C10orf90: variants seen among roughly 807,000 people sequenced by gnomAD.
C10orf90 encodes the protein (E2-independent) E3 ubiquitin-conjugating enzyme FATS.
In C10orf90, 56 loss-of-function variants were observed where a neutral mutation model predicts 62.5. That is an observed-to-expected ratio of 0.90 (90% CI 0.72 to 1.12). The LOEUF is 1.12. Among genes scored for constraint, C10orf90 ranks in the 50% most tolerant of loss-of-function variants. C10orf90 has a pLI of 0.00. For missense variants in C10orf90, 970 were observed against 880.4 expected (o/e 1.10, Z -1.29); for synonymous variants, 386 against 340.4 (o/e 1.13, Z -1.47).
Position 126,504,293 on chromosome 10 carries a change from C to G in C10orf90, c.1198G>C (p.Ala400Pro). ...TTCACTAGGCCATCTACTCCATCTG[C>G]TGTTAATCTGTGGGAACTACAATTG... ...NLNCSSHRLTADGVDGLVNRE... is the reference protein window; with the variant it reads ...NLNCSSHRLTPDGVDGLVNRE... Residue 400 changes from alanine to proline, a missense_variant, in exon 4 of 10, where the codon GCA becomes CCA. Transcript: ENST00000488181. The surrounding 1 kb of genome is among the most constrained non-coding windows in gnomAD (Gnocchi z 4.1). The G allele has an allele frequency of 6.2e-7, 1 of 1,614,174 alleles. No individual in the cohort carries two copies. The highest frequency in any genetic ancestry group is 8.5e-7 in the Non-Finnish European group (1 of 1,180,036).
At chr10:126,623,197 CT>C (rs1845680085) in intron 2 of C10orf90, among the ~76,000 whole-genome samples, 1 of 152,150 alleles carries the variant, frequency 6.6e-6, no homozygotes, top group Admixed American at 6.5e-5. Context: ...CTTTCTTGGG[CT>C]TTGGACTTCA....
chr10:126,628,961 G>C (rs1845801132), intron 2 of C10orf90, among the ~76,000 whole-genome samples: 1 of 152,194 alleles, frequency 6.6e-6, no homozygotes, highest in Non-Finnish European at 1.5e-5. Flanking sequence ...CTACCCCGTG[G>C]CACACCCTGG....
At chr10:126,520,587 G>C (rs1156272374) in intron 2 of C10orf90, 2 of 152,304 alleles carry the variant, frequency 1.3e-5, no homozygotes, top group Non-Finnish European at 2.9e-5. Flanking sequence ...TACCCCACAT[G>C]GCCCCCAAGC....
intron 2 of C10orf90, among the ~76,000 whole-genome samples, chr10:126,638,188 G>T (rs1317165556): frequency 1.3e-5 from 2 of 152,126 alleles, no homozygotes; most frequent in Non-Finnish European, 2.9e-5. Context: ...TCAGATTTCT[G>T]CATTGCTCTG....
In C10orf90 at chr10:126,459,049, G is replaced by T; in HGVS notation, c.2179C>A (p.Pro727Thr). The T allele has an allele frequency of 2.5e-6, 4 of 1,612,438 alleles. No homozygotes were observed. Among genetic ancestry groups the T allele is most frequent in the Non-Finnish European group, 3.4e-6 (4 of 1,179,742 alleles). Residue 727 changes from proline to threonine, a missense_variant, in exon 7 of 10, where the codon CCT becomes ACT. Coordinates refer to ENST00000488181, the MANE Select transcript of C10orf90 (RefSeq NM_001350921.2). ...TSKKQFTIPH[P>T]LSDNLFKPKE... ...GCCACCTGCAGCTTACCACTCAGAG[G>T]ATGGGGAATCGTGAACTGCTTCTTG...
intron 1 of C10orf90, among the ~76,000 whole-genome samples, chr10:126,654,998 G>A (rs2366867): frequency 0.19 from 29,438 of 152,018 alleles, 2,962 homozygotes; most frequent in African/African-American, 0.23. Flanking sequence ...TTTTCTGGGT[G>A]CAATTTGTGG....
intron 2 of C10orf90, among the ~76,000 whole-genome samples, chr10:126,527,736 A>G (rs1227944624): frequency 6.6e-6 from 1 of 152,222 alleles, no homozygotes; most frequent in Admixed American, 6.5e-5. Flanking sequence ...TATGAGAGCT[A>G]AGAAAGAAGA....
At chr10:126,432,704 A>G (rs1857660735) in intron 7 of C10orf90, among the ~76,000 whole-genome samples, 1 of 152,190 alleles carries the variant, frequency 6.6e-6, no homozygotes, top group Admixed American at 6.5e-5. Context: ...GAGGGTGCAG[A>G]GGCGAGAGCG....
Position 126,490,058 on chromosome 10 carries a change from T to TATAATATAATA in C10orf90, c.1534+13898_1534+13899insTATTATATTAT, listed in dbSNP as rs1564828289. On this transcript the variant is annotated intron_variant, in intron 4 of 9. Coordinates refer to ENST00000488181, the MANE Select transcript of C10orf90 (RefSeq NM_001350921.2). ...ATAATATATATTATATATTATGTTA[T>TATAATATAATA]ATAATATATAATATATAATATAATA... is the stretch of plus-strand genomic sequence containing the variant. Among the ~76,000 whole-genome samples the TATAATATAATA allele has an allele frequency of 1.6e-4, 17 of 103,096 alleles. No homozygotes were observed. In the South Asian group the frequency reaches 2.3e-3, roughly 14 times the overall value. The allele number at this position is 103,096 out of a possible 152,430, so 67.6% of individuals were successfully genotyped here. A position where few individuals can be genotyped will look rare whatever the true frequency, so the allele number is the denominator to read the frequency against.
chr10:126,661,172 G>T (rs544220835), intron 1 of C10orf90, among the ~76,000 whole-genome samples: 1 of 152,214 alleles, frequency 6.6e-6, no homozygotes, highest in Admixed American at 6.5e-5. Flanking sequence ...GTTACAATTT[G>T]CCTGCACCCA....
At chr10:126,520,107 C>T (rs1163225052) in intron 2 of C10orf90, 1 of 152,354 alleles carries the variant, frequency 6.6e-6, no homozygotes, top group Non-Finnish European at 1.5e-5. Flanking sequence ...GAGGCGCCCA[C>T]TCTGCACCCT....
chr10:126,550,584 A>G (rs1591089715), intron 2 of C10orf90, among the ~76,000 whole-genome samples: 1 of 151,914 alleles, frequency 6.6e-6, no homozygotes, highest in Non-Finnish European at 1.5e-5. Context: ...ATCTCAGCTC[A>G]CTGCAACCTC....
chr10:126,635,980 C>A (rs557261799), intron 2 of C10orf90, among the ~76,000 whole-genome samples: 1 of 152,134 alleles, frequency 6.6e-6, no homozygotes, highest in Non-Finnish European at 1.5e-5. Context: ...AGAGGTCAAG[C>A]GGTGGCATTG....
In C10orf90 at chr10:126,667,570, A is replaced by G. The variant is rs528080073; in HGVS notation, c.240+2671T>C. Among the ~76,000 whole-genome samples the G allele has an allele frequency of 4.6e-5, 7 of 152,280 alleles. No individual in the cohort carries two copies. The East Asian group carries it at 1.4e-3, about 29-fold the overall frequency. On this transcript the variant is annotated intron_variant, in intron 1 of 9. Transcript: ENST00000488181. Reference sequence around the variant, plus strand: ...TGATGCATCTCAGCCTGCACCTACCATCAGAAAGGTCTCCACAATCAATCA... The same window carrying G: ...TGATGCATCTCAGCCTGCACCTACCGTCAGAAAGGTCTCCACAATCAATCA...
rs111644165 is a variant in C10orf90, at chr10:126,500,713, G to C, written c.1534+3244C>G. Among the ~76,000 whole-genome samples, 1,205 of 152,286 alleles carry C rather than the reference G, an allele frequency of 7.9e-3. 20 individuals are homozygous for C. Among genetic ancestry groups the C allele is most frequent in the African/African-American group, 0.027 (1,135 of 41,548 alleles). The stretch of plus-strand genomic sequence containing the variant: ...TTTCTTAACATTCAGCCTGAGATGA[G>C]AGCAGGTGCTCACGCGTCTATTGGA... On this transcript the variant is annotated intron_variant, in intron 4 of 9. Coordinates refer to ENST00000488181, the MANE Select transcript of C10orf90 (RefSeq NM_001350921.2).
intron 4 of C10orf90, among the ~76,000 whole-genome samples, chr10:126,487,428 T>C (rs959247336): frequency 2.6e-5 from 4 of 152,030 alleles, no homozygotes; most frequent in African/African-American, 9.7e-5. Context: ...TATGAAGGTA[T>C]AATAGTTAGA....
intron 2 of C10orf90, among the ~76,000 whole-genome samples, chr10:126,622,571 C>T (rs1216411286): frequency 6.6e-6 from 1 of 152,150 alleles, no homozygotes; most frequent in Non-Finnish European, 1.5e-5. Flanking sequence ...GCTCAGGATC[C>T]CTGCCACTAC....
chr10:126,617,619 G>A lies in C10orf90; in HGVS notation c.313+28946C>T, dbSNP rs117472547. On this transcript the variant is annotated intron_variant, in intron 2 of 9. Transcript: ENST00000488181. ...GCCCCTCAATTCATTCTCTGCAAGA[G>A]CAGCATTCTCCACCACTGTGTCTCA... is the stretch of plus-strand genomic sequence containing the variant. Among the ~76,000 whole-genome samples the A allele has an allele frequency of 2.7e-3, 408 of 152,360 alleles. 1 individual carries two copies. Among genetic ancestry groups the A allele is most frequent in the Non-Finnish European group, 4.3e-3 (290 of 68,034 alleles).
At chr10:126,587,081 C>T (rs756435689) in intron 2 of C10orf90, among the ~76,000 whole-genome samples, 49 of 152,122 alleles carry the variant, frequency 3.2e-4, no homozygotes, top group Non-Finnish European at 6.5e-4. Flanking sequence ...AGGTTTCATA[C>T]TTGTGTATGC....
Sources: gnomAD v4.1 joint callset for allele counts (sites outside exome capture counted in the v4.1 genomes callset) on GRCh38, gnomAD v4.1.1 for gene constraint, Gnocchi (gnomAD v3.1) non-coding constraint, MANE v1.5 for transcripts, NCBI Gene and HGNC (gene_info 2026-07-23, HGNC 2026-07-21) for gene names.